The following KDM8 variants were observed in gnomAD, a reference collection of about 807,000 sequenced individuals.
The protein encoded by KDM8 is lysine demethylase 8, also known as bifunctional peptidase and arginyl-hydroxylase JMJD5.
KDM8 carries 35 observed loss-of-function variants against 46.9 expected under a neutral mutation model. That is an observed-to-expected ratio of 0.75 (90% CI 0.57 to 0.99). The LOEUF is 0.99. KDM8 is among the 50% of genes least tolerant of loss of function. The probability of loss-of-function intolerance (pLI) is 0.00; values close to 1 mark genes in which losing one functional copy is unlikely to be tolerated. For missense variants in KDM8, 475 were observed against 537.0 expected, an observed-to-expected ratio of 0.88 and a Z score of 1.14; for synonymous variants, 232 against 227.7, an observed-to-expected ratio of 1.02 and a Z score of -0.17.
chr16:27,215,531 A>G (rs568651855), intron 4 of KDM8, among the ~76,000 whole-genome samples: 1 of 152,288 alleles, frequency 6.6e-6, no homozygotes, highest in Non-Finnish European at 1.5e-5. Context: ...CAGTGAGCCA[A>G]GATCAGGCCA....
intron 6 of KDM8, 84 bp downstream of exon 6, chr16:27,219,194 C>T (rs773031280): frequency 1.0e-5 from 14 of 1,368,748 alleles, no homozygotes; most frequent in East Asian, 5.1e-5. Context: ...CTTTAAACAC[C>T]GGGCTCTTAA....
intron 5 of KDM8, among the ~76,000 whole-genome samples, chr16:27,218,690 T>C (rs1453383826): frequency 6.6e-6 from 1 of 151,798 alleles, no homozygotes; most frequent in Non-Finnish European, 1.5e-5. Context: ...AAAACAAAAA[T>C]TAAAAAAAAA....
chr16:27,204,041 G>T (rs889960563), intron 1 of KDM8: 2 of 1,492,476 alleles, frequency 1.3e-6, no homozygotes, highest in Admixed American at 2.1e-5. Context: ...ACCAGCCGCT[G>T]CCCCTGGGCC....
Position 27,220,934 on chromosome 16 carries a change from C to A in KDM8, c.*204C>A. On this transcript the variant is annotated 3_prime_UTR_variant, in exon 8 of 8. Transcript: ENST00000286096. ...TGCCCAGGAAGGAGCACACTCCAGG[C>A]CAGGGGTGCATGGCAGAGGAAGGTG... 1 of 667,254 alleles carries A rather than the reference C, an allele frequency of 1.5e-6. No individual in the cohort carries two copies. Among genetic ancestry groups the A allele is most frequent in the Non-Finnish European group, 2.7e-6 (1 of 370,594 alleles). 41.3% of individuals were successfully genotyped at this position (667,254 alleles called of 1,614,324 possible).
chr16:27,212,370 CTT>C (rs1416050063), intron 2 of KDM8, among the ~76,000 whole-genome samples: 1 of 152,190 alleles, frequency 6.6e-6, no homozygotes, highest in Non-Finnish European at 1.5e-5. Context: ...GTGGGTTGCT[CTT>C]TTGTTTCATT....
At chr16:27,207,827 C>G (rs1348227764) in intron 1 of KDM8, among the ~76,000 whole-genome samples, 1 of 152,128 alleles carries the variant, frequency 6.6e-6, no homozygotes, top group Non-Finnish European at 1.5e-5. Context: ...TCAAGCAGTC[C>G]TCCTGTTTCA....
chr16:27,204,374 G>C lies in KDM8; in HGVS notation c.-32+738G>C, dbSNP rs1596640611. On this transcript the variant is annotated intron_variant, in intron 1 of 7. Coordinates refer to ENST00000286096, the MANE Select transcript of KDM8 (RefSeq NM_024773.3). ...ACACGGACGACCCAAACACAAGACT[G>C]TGTGCCCCTTAGAGAGCCAAAGGGA... The C allele has an allele frequency of 3.8e-6, 5 of 1,321,190 alleles. No individual in the cohort carries two copies. The East Asian group carries it at 1.6e-4, about 41-fold the overall frequency. 81.8% of individuals were successfully genotyped at this position (1,321,190 alleles called of 1,614,324 possible).
Position 27,213,768 on chromosome 16 carries a change from G to A in KDM8, c.665+17G>A, listed in dbSNP as rs769657216. 4.3e-6 allele frequency: 7 copies of A among 1,612,534 alleles called. No homozygotes were observed. Among genetic ancestry groups the A allele is most frequent in the African/African-American group, 1.3e-5 (1 of 74,962 alleles). On this transcript the variant is annotated intron_variant, in intron 3 of 7. Coordinates refer to ENST00000286096, the MANE Select transcript of KDM8 (RefSeq NM_024773.3). ...GAAGTGGAGGTGGGTGGTCGCTGAG[G>A]GAGGTGAGGTCCCTTTTCCCATTTT... is the stretch of plus-strand genomic sequence containing the variant.
At chr16:27,218,532 C>T (rs989876966) in intron 5 of KDM8, among the ~76,000 whole-genome samples, 4 of 152,212 alleles carry the variant, frequency 2.6e-5, no homozygotes, top group Non-Finnish European at 4.4e-5. Context: ...TCTGTGCCTA[C>T]CCTGGCTTTT....
chr16:27,220,536 G>T, intron 7 of KDM8, 30 bp from the exon 8 acceptor site: 1 of 1,614,198 alleles, frequency 6.2e-7, no homozygotes, highest in Non-Finnish European at 8.5e-7. Context: ...CACTGCCCCT[G>T]GAGATGATGA....
Position 27,220,799 on chromosome 16 carries a change from G to A in KDM8, c.*69G>A. 1.3e-5 allele frequency: 20 copies of A among 1,559,412 alleles called. No homozygotes were observed. Among genetic ancestry groups the A allele is most frequent in the Non-Finnish European group, 1.8e-5 (20 of 1,130,708 alleles). ...TCTGTTCACTAATTTCCTGGGTCCT[G>A]GAATCTATAGAGACAAGCAGGACTG... On this transcript the variant is annotated 3_prime_UTR_variant, in exon 8 of 8. Coordinates refer to ENST00000286096, the MANE Select transcript of KDM8 (RefSeq NM_024773.3).
At chr16:27,205,793 G>A (rs1039545617) in intron 1 of KDM8, among the ~76,000 whole-genome samples, 15 of 152,140 alleles carry the variant, frequency 9.9e-5, no homozygotes, top group African/African-American at 3.4e-4. Flanking sequence ...AGGCGGGATC[G>A]CACCATTGCA....
chr16:27,204,531 C>G lies in KDM8; in HGVS notation c.-32+895C>G, dbSNP rs182788946. On this transcript the variant is annotated intron_variant, in intron 1 of 7. Transcript: ENST00000286096. ...ACATTGAGGAGATTAGAGAACTGGA[C>G]CGCCTGTTCCCAGAAAGCTAGGTGT... The G allele has an allele frequency of 1.3e-3, 306 of 232,016 alleles. 1 individual carries two copies. The highest frequency in any genetic ancestry group is 6.2e-3 in the African/African-American group (271 of 43,834). The allele number at this position is 232,016 out of a possible 1,614,324, so 14.4% of individuals were successfully genotyped here.
At chr16:27,217,058 G>A (rs571095284) in intron 5 of KDM8, among the ~76,000 whole-genome samples, 5 of 152,322 alleles carry the variant, frequency 3.3e-5, no homozygotes, top group South Asian at 4.1e-4. Context: ...ATGGAGGGCC[G>A]CCTGGGTGTT....
chr16:27,204,045 C>T, intron 1 of KDM8: 3 of 1,516,078 alleles, frequency 2.0e-6, no homozygotes, highest in Non-Finnish European at 2.7e-6. Flanking sequence ...GCCGCTGCCC[C>T]TGGGCCGCAA....
Position 27,205,856 on chromosome 16 carries a change from A to G in KDM8, c.-32+2220A>G, listed in dbSNP as rs956700291. On this transcript the variant is annotated intron_variant, in intron 1 of 7. Transcript: ENST00000286096. ...GTCTCAAAAAAAATAAAAATAAAAA[A>G]ACCTTCTGTGATCAACAAGAGGTCT... Among the ~76,000 whole-genome samples the G allele has an allele frequency of 2.6e-5, 4 of 152,148 alleles. No individual in the cohort carries two copies. In the South Asian group the frequency reaches 8.3e-4, roughly 32 times the overall value.
In KDM8 at chr16:27,210,267, G is replaced by A. The variant is rs1437871618; in HGVS notation, c.144G>A (p.Leu48=). ...AAGTGGAGAGGAGCGTGGTGACATT[G>A]TTGCAGCGAGCCACTGAGCTCTTCT... The part of the protein sequence containing the change: ...GEKVERSVVT[L]LQRATELFYE... Residue 48 remains leucine (L), a synonymous_variant, in exon 2 of 8, where the codon TTG becomes TTA. Transcript: ENST00000286096. The A allele has an allele frequency of 6.2e-7, 1 of 1,613,234 alleles. No homozygotes were observed. Among genetic ancestry groups the A allele is most frequent in the Admixed American group, 1.7e-5 (1 of 60,030 alleles).
At chr16:27,205,245 C>CTT (rs1038387287) in intron 1 of KDM8, among the ~76,000 whole-genome samples, 2 of 152,074 alleles carry the variant, frequency 1.3e-5, no homozygotes, top group African/African-American at 4.8e-5. Flanking sequence ...AACAAGAAGG[C>CTT]TTTTATAAGA....
intron 1 of KDM8, chr16:27,204,278 G>C: frequency 7.1e-7 from 1 of 1,402,632 alleles, no homozygotes. Flanking sequence ...TCCCGGCAAC[G>C]GTAGGAATCG....
Sources: allele counts gnomAD v4.1 joint callset (sites outside exome capture counted in the v4.1 genomes callset), GRCh38; gene constraint gnomAD v4.1.1; transcripts MANE v1.5; gene names NCBI Gene and HGNC (gene_info 2026-07-23, HGNC 2026-07-21).